Variants in SLC4A4 observed in about 807,000 individuals in gnomAD.
SLC4A4 encodes electrogenic sodium bicarbonate cotransporter 1.
SLC4A4 carries 27 observed loss-of-function variants against 111.5 expected under a neutral mutation model. That is an observed-to-expected ratio of 0.24 (90% CI 0.18 to 0.33). The LOEUF (loss-of-function observed/expected upper bound fraction) is 0.33. Among genes scored for constraint, SLC4A4 ranks in the 10% least tolerant of loss-of-function variants. The pLI is 1.00. For synonymous variants in SLC4A4, 443 were observed against 463.4 expected (o/e 0.96, Z 0.57); for missense variants, 909 against 1,315.5 (o/e 0.69, Z 4.78).
chr4:71,133,894 A>C (rs1478442560), intron 2 of SLC4A4, among the ~76,000 whole-genome samples: 1 of 152,158 alleles, frequency 6.6e-6, no homozygotes, highest in Non-Finnish European at 1.5e-5. Context: ...TCCTCTTGGT[A>C]GCTATCAAAT....
intron 20 of SLC4A4, among the ~76,000 whole-genome samples, chr4:71,550,151 C>A (rs945699514): frequency 2.0e-5 from 3 of 151,832 alleles, no homozygotes; most frequent in East Asian, 3.9e-4. Context: ...AGGTTTTCCC[C>A]AAAATGTGGG....
intron 3 of SLC4A4, among the ~76,000 whole-genome samples, chr4:71,311,126 T>C (rs1016729102): frequency 1.3e-5 from 2 of 152,148 alleles, no homozygotes; most frequent in African/African-American, 4.8e-5. Context: ...AAGGGATCAA[T>C]GCAACAAGAA....
intron 6 of SLC4A4, among the ~76,000 whole-genome samples, chr4:71,383,083 A>G (rs1263520039): frequency 6.6e-6 from 1 of 152,140 alleles, no homozygotes; most frequent in African/African-American, 2.4e-5. Context: ...GGTGATTCAT[A>G]TATTTTACCA....
chr4:71,402,255 G>C (rs1720436539), intron 7 of SLC4A4, among the ~76,000 whole-genome samples: 1 of 152,020 alleles, frequency 6.6e-6, no homozygotes, highest in Non-Finnish European at 1.5e-5. Flanking sequence ...TGATTATTGG[G>C]GGAATAACCC....
intron 14 of SLC4A4, 30 bp from the exon 15 acceptor site, chr4:71,486,918 T>C (rs375783695): frequency 7.8e-6 from 11 of 1,408,702 alleles, no homozygotes; most frequent in Non-Finnish European, 7.0e-6. Context: ...TTTAGTTTTA[T>C]AGTATAAAAT....
chr4:71,339,433 C>G lies in SLC4A4; in HGVS notation c.317C>G (p.Pro106Arg). 2 of 1,614,148 alleles carry G rather than the reference C, an allele frequency of 1.2e-6. No individual in the cohort carries two copies. The highest frequency in any genetic ancestry group is 1.7e-6 in the Non-Finnish European group (2 of 1,180,040). Residue 106 changes from proline (P) to arginine (R), a missense_variant, in exon 4 of 26, where the codon CCT (proline) becomes CGT (arginine). By Grantham distance (103) the Pro-to-Arg change is moderately radical (BLOSUM62 -2). Coordinates refer to ENST00000264485, the MANE Select transcript of SLC4A4 (RefSeq NM_001098484.3). ...GAGGAGGATGACAGCCCAGCTCCCCCTCAGCTCTTCACGGAACTGGATGAG... is the reference window on the plus strand; with the variant it reads ...GAGGAGGATGACAGCCCAGCTCCCCGTCAGCTCTTCACGGAACTGGATGAG... Reference protein sequence around the residue: ...LGEEDDSPAPPQLFTELDELL... With the variant: ...LGEEDDSPAPRQLFTELDELL...
chr4:71,397,594 C>G lies in SLC4A4; in HGVS notation c.748C>G (p.His250Asp), dbSNP rs1054318929. 1 of 1,613,904 alleles carries G rather than the reference C, an allele frequency of 6.2e-7. No homozygotes were observed. The highest frequency in any genetic ancestry group is 8.5e-7 in the Non-Finnish European group (1 of 1,179,846). Reference sequence around the variant, plus strand: ...TTTTCCAGGTAGCCCAGCCATGACCCATAGGAATCTGACTTCCTCCAGTCT... The same window carrying G: ...TTTTCCAGGTAGCCCAGCCATGACCGATAGGAATCTGACTTCCTCCAGTCT... Reference protein sequence around the residue: ...NPDNGSPAMTHRNLTSSSLND... With the variant: ...NPDNGSPAMTDRNLTSSSLND... The change falls in exon 7 of 26, where the codon CAT becomes GAT. Residue 250 changes from histidine to aspartate, a missense_variant. Physicochemically the swap from His to Asp is moderately conservative, Grantham distance 81. This residue lies in a region of SLC4A4 where 312 missense variants were observed against 402.0 expected (regional missense o/e 0.78). Coordinates refer to ENST00000264485, the MANE Select transcript of SLC4A4 (RefSeq NM_001098484.3).
intron 2 of SLC4A4, among the ~76,000 whole-genome samples, chr4:71,175,293 T>A (rs1288983180): frequency 6.6e-6 from 1 of 152,226 alleles, no homozygotes; most frequent in Non-Finnish European, 1.5e-5. Context: ...GATTTCTGCA[T>A]TTCCAACTGA....
intron 3 of SLC4A4, among the ~76,000 whole-genome samples, chr4:71,292,850 T>G (rs1325572925): frequency 2.3e-4 from 33 of 144,378 alleles, no homozygotes; most frequent in Non-Finnish European, 3.6e-4. Flanking sequence ...TTGTTTTTTT[T>G]TTTTTTTTTT....
At chr4:71,078,830 T>G (rs1192408516) in intron 1 of SLC4A4, among the ~76,000 whole-genome samples, 1 of 152,052 alleles carries the variant, frequency 6.6e-6, no homozygotes, top group African/African-American at 2.4e-5. Flanking sequence ...TTGTTTGTTT[T>G]TTTTTTGAGA....
intron 1 of SLC4A4, among the ~76,000 whole-genome samples, chr4:71,208,326 G>A (rs1717907417): frequency 1.3e-5 from 2 of 151,904 alleles, no homozygotes; most frequent in Non-Finnish European, 2.9e-5. Context: ...AGCTACTCAG[G>A]AGGCTGAGGC....
At chr4:71,307,771 C>A (rs865811437) in intron 3 of SLC4A4, among the ~76,000 whole-genome samples, 1 of 152,162 alleles carries the variant, frequency 6.6e-6, no homozygotes, top group Middle Eastern at 3.4e-3. Flanking sequence ...GGTTGCCTAC[C>A]GTGAATTATA....
intron 3 of SLC4A4, among the ~76,000 whole-genome samples, chr4:71,279,923 G>C (rs1371285563): frequency 1.3e-5 from 2 of 152,134 alleles, no homozygotes; most frequent in Non-Finnish European, 2.9e-5. Flanking sequence ...AGCCTCCCCA[G>C]TAGCTGGGAT....
At chr4:71,158,486 T>C (rs1234057752) in intron 2 of SLC4A4, among the ~76,000 whole-genome samples, 4 of 152,178 alleles carry the variant, frequency 2.6e-5, no homozygotes, top group Admixed American at 6.6e-5. Flanking sequence ...AGATGCTGAA[T>C]TGAGGTTTTA....
intron 14 of SLC4A4, among the ~76,000 whole-genome samples, chr4:71,484,195 A>C (rs1235055694): frequency 6.6e-6 from 1 of 151,598 alleles, no homozygotes; most frequent in Non-Finnish European, 1.5e-5. Context: ...CCATTTGTCA[A>C]TTTTTGCTTT....
chr4:71,306,858 G>A (rs1000218436), intron 3 of SLC4A4, among the ~76,000 whole-genome samples: 5 of 152,054 alleles, frequency 3.3e-5, no homozygotes, highest in Admixed American at 6.5e-5. Context: ...CTTTTTCTTC[G>A]CCTGCTCTTG....
chr4:71,539,020 A>G (rs1734811459), intron 18 of SLC4A4, among the ~76,000 whole-genome samples: 1 of 152,046 alleles, frequency 6.6e-6, no homozygotes, highest in Non-Finnish European at 1.5e-5. Flanking sequence ...GGAGGGAGAA[A>G]TAATTTAGGA....
intron 25 of SLC4A4, 122 bp downstream of exon 25, chr4:71,567,205 A>C (rs1023795026): frequency 6.1e-6 from 5 of 815,104 alleles, no homozygotes; most frequent in Non-Finnish European, 9.7e-6. Context: ...TATCTTAAAT[A>C]AATTACCCAG....
At chr4:71,142,102 G>A (rs1166191996) in intron 2 of SLC4A4, among the ~76,000 whole-genome samples, 2 of 152,156 alleles carry the variant, frequency 1.3e-5, no homozygotes, top group Middle Eastern at 3.2e-3. Context: ...TAATCAAAGA[G>A]GAGTAAGAAA....
Sources: gnomAD v4.1 joint callset for allele counts (sites outside exome capture counted in the v4.1 genomes callset) on GRCh38, gnomAD v4.1.1 for gene constraint, gnomAD v4.1.1 regional missense constraint, MANE v1.5 for transcripts, NCBI Gene and HGNC (gene_info 2026-07-23, HGNC 2026-07-21) for gene names.